The following PCDH15 variants were observed in gnomAD, a reference collection of about 807,000 sequenced individuals.
The protein encoded by PCDH15 is protocadherin related 15.
Under a neutral mutation model 178.5 loss-of-function variants are expected in PCDH15, and 129 were observed. The ratio of observed to expected loss-of-function variants is 0.72; its 90% CI spans 0.63 to 0.84. PCDH15 has a LOEUF of 0.84. PCDH15 is among the 40% of genes least tolerant of loss of function. The probability of loss-of-function intolerance (pLI) is 0.00; values close to 1 mark genes in which losing one functional copy is unlikely to be tolerated. For synonymous variants in PCDH15, 800 were observed against 732.0 expected (o/e 1.09, Z -1.50); for missense variants, 2,230 against 2,099.9 (o/e 1.06, Z -1.21).
intron 3 of PCDH15, among the ~76,000 whole-genome samples, chr10:54,485,037 T>A (rs2079000537): frequency 6.6e-6 from 1 of 151,878 alleles, no homozygotes; most frequent in South Asian, 2.1e-4. Flanking sequence ...ACACTCATAA[T>A]TAACAATATA....
At chr10:54,515,174 G>T (rs1017684578) in intron 3 of PCDH15, among the ~76,000 whole-genome samples, 1 of 152,218 alleles carries the variant, frequency 6.6e-6, no homozygotes, top group African/African-American at 2.4e-5. Context: ...AGCAGGGAGA[G>T]GCATTGCTTC....
chr10:55,327,917 C>T (rs1282558654), intron 2 of PCDH15, among the ~76,000 whole-genome samples: 1 of 151,996 alleles, frequency 6.6e-6, no homozygotes, highest in Non-Finnish European at 1.5e-5. Context: ...TGTTTATTGG[C>T]TGTCAGTCAC....
At chr10:54,276,049 C>T (rs2058334629) in intron 8 of PCDH15, among the ~76,000 whole-genome samples, 1 of 151,478 alleles carries the variant, frequency 6.6e-6, no homozygotes, top group Admixed American at 6.6e-5. Context: ...AACATAATTA[C>T]CAAAAATGTA....
intron 2 of PCDH15, among the ~76,000 whole-genome samples, chr10:54,902,913 A>C (rs1954661585): frequency 6.6e-6 from 1 of 152,180 alleles, no homozygotes; most frequent in Non-Finnish European, 1.5e-5. Context: ...GTACTTGGGC[A>C]AGCTGCTTCA....
At chr10:54,962,445 A>G (rs1227431327) in intron 2 of PCDH15, among the ~76,000 whole-genome samples, 1 of 151,300 alleles carries the variant, frequency 6.6e-6, no homozygotes, top group Non-Finnish European at 1.5e-5. Context: ...TGAGAAGGAG[A>G]GAAGAGCTGG....
At chr10:54,745,129 C>A (rs1458172171) in intron 1 of PCDH15, among the ~76,000 whole-genome samples, 2 of 151,990 alleles carry the variant, frequency 1.3e-5, no homozygotes, top group East Asian at 3.9e-4. Context: ...CTTCAAAAAG[C>A]AATTATAGCT....
At chr10:55,589,239 G>A (rs1168340634) in intron 2 of PCDH15, among the ~76,000 whole-genome samples, 5 of 152,056 alleles carry the variant, frequency 3.3e-5, no homozygotes, top group African/African-American at 1.2e-4. Flanking sequence ...TGTATAAGGT[G>A]TAAGGAAGGG....
intron 2 of PCDH15, among the ~76,000 whole-genome samples, chr10:55,381,435 G>C (rs1837531408): frequency 6.6e-6 from 1 of 152,116 alleles, no homozygotes; most frequent in Admixed American, 6.6e-5. Flanking sequence ...CTGCTTTAAA[G>C]AGAAAAATGA....
intron 26 of PCDH15, among the ~76,000 whole-genome samples, chr10:53,902,381 T>G (rs567427500): frequency 6.6e-6 from 1 of 152,178 alleles, no homozygotes; most frequent in Non-Finnish European, 1.5e-5. Context: ...GAAAGGCAAT[T>G]ACTCATGTGC....
intron 1 of PCDH15, among the ~76,000 whole-genome samples, chr10:55,258,117 C>T (rs1341220208): frequency 6.6e-6 from 1 of 151,988 alleles, no homozygotes; most frequent in East Asian, 1.9e-4. Context: ...GTAAAATATG[C>T]CTAGATTTTT....
chr10:55,538,323 T>C (rs1250021346), intron 2 of PCDH15, among the ~76,000 whole-genome samples: 10 of 152,204 alleles, frequency 6.6e-5, no homozygotes, highest in Non-Finnish European at 1.0e-4. Flanking sequence ...CCATCCAGAC[T>C]AAATAGAGTT....
At chr10:55,218,185 T>G (rs1427995568) in intron 1 of PCDH15, among the ~76,000 whole-genome samples, 1 of 151,994 alleles carries the variant, frequency 6.6e-6, no homozygotes. Flanking sequence ...AGCAATGAAA[T>G]TTATTGTTCC....
chr10:55,103,380 C>T (rs1842614247), intron 2 of PCDH15, among the ~76,000 whole-genome samples: 1 of 152,156 alleles, frequency 6.6e-6, no homozygotes, highest in Non-Finnish European at 1.5e-5. Flanking sequence ...GTTAGTTCCT[C>T]TGTTGGGGTA....
At chr10:53,888,314 A>ATATATACGTATATATATG (rs1589259511) in intron 26 of PCDH15, among the ~76,000 whole-genome samples, 4 of 121,746 alleles carry the variant, frequency 3.3e-5, no homozygotes, top group Non-Finnish European at 6.8e-5. Flanking sequence ...ATATATGTAT[A>ATATATACGTATATATATG]TATGTACGTA....
At chr10:55,383,297 ACTT>A (rs1181788794) in intron 2 of PCDH15, among the ~76,000 whole-genome samples, 3 of 152,042 alleles carry the variant, frequency 2.0e-5, no homozygotes, top group Middle Eastern at 3.4e-3. Context: ...ACGTTCAGCC[ACTT>A]CTTCTCTTCT....
intron 3 of PCDH15, among the ~76,000 whole-genome samples, chr10:54,879,221 T>C (rs79690199): frequency 0.23 from 34,257 of 151,912 alleles, 4,551 homozygotes; most frequent in Non-Finnish European, 0.31. Context: ...TGTGTGTGTG[T>C]GCTTGTATGT....
chr10:53,865,090 G>C (rs938976402), intron 27 of PCDH15, among the ~76,000 whole-genome samples: 4 of 152,032 alleles, frequency 2.6e-5, no homozygotes, highest in Non-Finnish European at 5.9e-5. Flanking sequence ...GATAGAACCA[G>C]ACCTTGTTTC....
intron 12 of PCDH15, 118 bp downstream of exon 12, chr10:54,185,016 A>G (rs1015306144): frequency 1.6e-6 from 2 of 1,224,660 alleles, no homozygotes; most frequent in African/African-American, 3.0e-5. Context: ...AAAATAATGT[A>G]TTTTTCCCCC....
intron 2 of PCDH15, among the ~76,000 whole-genome samples, chr10:55,364,263 C>T (rs2131981969): frequency 6.6e-6 from 1 of 152,234 alleles, no homozygotes; most frequent in African/African-American, 2.4e-5. Flanking sequence ...TTATAAATTA[C>T]CCAGTCTCAG....
Sources: allele counts gnomAD v4.1 joint callset (sites outside exome capture counted in the v4.1 genomes callset), GRCh38; gene constraint gnomAD v4.1.1; transcripts MANE v1.5; gene names NCBI Gene and HGNC (gene_info 2026-07-23, HGNC 2026-07-21).